Variants in ARL6IP6 observed in about 807,000 individuals in gnomAD.
ARL6IP6 encodes ADP-ribosylation factor-like protein 6-interacting protein 6.
In ARL6IP6, 22 loss-of-function variants were observed where a neutral mutation model predicts 21.5. The ratio of observed to expected loss-of-function variants is 1.02; its 90% CI spans 0.73 to 1.46. The LOEUF (loss-of-function observed/expected upper bound fraction) is 1.46, where lower values mean the gene tolerates loss of function less well. ARL6IP6 is among the 40% of genes most tolerant of loss of function. ARL6IP6 has a pLI of 0.00. For missense variants in ARL6IP6, 388 were observed against 299.8 expected, an observed-to-expected ratio of 1.29 and a Z score of -2.17; for synonymous variants, 164 against 125.3, an observed-to-expected ratio of 1.31 and a Z score of -2.06.
In ARL6IP6 at chr2:152,761,777, G is replaced by A. The variant is rs994018566; in HGVS notation, c.*1937G>A. Among the ~76,000 whole-genome samples the A allele has an allele frequency of 2.6e-5, 4 of 152,102 alleles. No homozygotes were observed. The highest frequency in any genetic ancestry group is 9.7e-5 in the African/African-American group (4 of 41,408). Reference sequence around the variant, plus strand: ...GCAATAAGCTATACCATATAGCCTAGGTGTGTAGTAGGCTATACCATCTAG... The same window carrying A: ...GCAATAAGCTATACCATATAGCCTAAGTGTGTAGTAGGCTATACCATCTAG... On this transcript the variant is annotated 3_prime_UTR_variant, in exon 4 of 4. Transcript: ENST00000326446.
At position 152,718,879 on chromosome 2, in the gene ARL6IP6, T is replaced by A. The variant is rs563289482; in HGVS notation, c.255T>A (p.Asp85Glu). 3 of 1,613,756 alleles carry A rather than the reference T, an allele frequency of 1.9e-6. No individual in the cohort carries two copies. The highest frequency in any genetic ancestry group is 1.7e-5 in the Admixed American group (1 of 59,998). The part of the protein sequence containing the change: ...PDGNGSPVLP[D>E]KRNGIFPAAA... ...GGAACGGGTCGCCCGTTCTGCCCGATAAGCGCAATGGTATCTTTCCCGCGG... is the reference window on the plus strand; with the variant it reads ...GGAACGGGTCGCCCGTTCTGCCCGAAAAGCGCAATGGTATCTTTCCCGCGG... The change falls in exon 1 of 4, where the codon GAT (aspartate) becomes GAA (glutamate). Residue 85 changes from aspartate (D) to glutamate (E), a missense_variant. Coordinates refer to ENST00000326446, the MANE Select transcript of ARL6IP6 (RefSeq NM_152522.7).
Position 152,718,820 on chromosome 2 carries a change from G to T in ARL6IP6, c.196G>T (p.Glu66Ter). 1 of 1,609,278 alleles carries T rather than the reference G, an allele frequency of 6.2e-7. No homozygotes were observed. Among genetic ancestry groups the T allele is most frequent in the Admixed American group, 1.7e-5 (1 of 59,200 alleles). ...GGAGTTCTCGGCTGGGGCGTGGTCA[G>T]AGCCCAGAAAGCGCTCGGTGCTCCC... Reference protein sequence around the residue: ...RAEFSAGAWSEPRKRSVLPPD... With the variant: ...RAEFSAGAWS The change falls in exon 1 of 4, where the codon GAG becomes TAG. Residue 66 changes from glutamate to a stop codon, truncating the protein, a stop_gained. Transcript: ENST00000326446. LOFTEE classifies it high-confidence loss of function.
At chr2:152,719,106 C>A in intron 1 of ARL6IP6, 82 bp downstream of exon 1, 1 of 1,400,798 alleles carries the variant, frequency 7.1e-7, no homozygotes, top group Non-Finnish European at 9.4e-7. Flanking sequence ...ATCTCCCTTT[C>A]CCTCGCGCTA....
At chr2:152,718,001 G>A (rs1223280768), upstream of ARL6IP6, 2 of 995,976 alleles carry the variant, frequency 2.0e-6, no homozygotes, top group African/African-American at 1.7e-5. Context: ...ACCAGGTGGA[G>A]AGCGCGCGCC....
chr2:152,746,382 G>A (rs1239929765), intron 3 of ARL6IP6, among the ~76,000 whole-genome samples: 1 of 152,116 alleles, frequency 6.6e-6, no homozygotes, highest in Non-Finnish European at 1.5e-5. Context: ...AGGGACAAGT[G>A]TCCATATGCC....
chr2:152,758,298 A>T (rs1701679002), intron 3 of ARL6IP6, among the ~76,000 whole-genome samples: 1 of 149,098 alleles, frequency 6.7e-6, no homozygotes, highest in Non-Finnish European at 1.5e-5. Context: ...GTACGGATGC[A>T]TTTTTTTTTT....
At chr2:152,731,856 A>G (rs1700330676) in intron 2 of ARL6IP6, among the ~76,000 whole-genome samples, 2 of 152,226 alleles carry the variant, frequency 1.3e-5, no homozygotes, top group South Asian at 2.1e-4. Context: ...GTATGTGTAT[A>G]ATACATATTT....
chr2:152,760,113 G>A lies in ARL6IP6; in HGVS notation c.*273G>A, dbSNP rs1044174056. 9 of 257,504 alleles carry A rather than the reference G, an allele frequency of 3.5e-5. No homozygotes were observed. The highest frequency in any genetic ancestry group is 6.7e-5 in the Non-Finnish European group (9 of 135,052). 16.0% of individuals were successfully genotyped at this position (257,504 alleles called of 1,614,324 possible). A position where few individuals can be genotyped will look rare whatever the true frequency, so the allele number is the denominator to read the frequency against. On this transcript the variant is annotated 3_prime_UTR_variant, in exon 4 of 4. Coordinates refer to ENST00000326446, the MANE Select transcript of ARL6IP6 (RefSeq NM_152522.7). Reference sequence around the variant, plus strand: ...ACCTCATCTTTTTACTTTTGTGTGTGTAGTTCTTTCAAGTTGTAGGAAACA... The same window carrying A: ...ACCTCATCTTTTTACTTTTGTGTGTATAGTTCTTTCAAGTTGTAGGAAACA...
At chr2:152,723,988 T>C (rs1416697449) in intron 2 of ARL6IP6, among the ~76,000 whole-genome samples, 4 of 152,046 alleles carry the variant, frequency 2.6e-5, no homozygotes, top group African/African-American at 4.8e-5. Flanking sequence ...CAGTGCTATC[T>C]GTGGCTGGGT....
rs765645541 is a variant in ARL6IP6, at chr2:152,718,997, C to T, written c.373C>T (p.Leu125Phe). 2.3e-5 allele frequency: 37 copies of T among 1,579,926 alleles called. No individual in the cohort carries two copies. Among genetic ancestry groups the T allele is most frequent in the South Asian group, 1.3e-4 (11 of 87,064 alleles). ...LLFAILLAFL[L>F]AIAYLIVKEL... ...CTTCGCCATTCTTCTCGCCTTCCTC[C>T]TCGCCATCGCCTACTTGATCGTTAA... Residue 125 changes from leucine to phenylalanine, a missense_variant, in exon 1 of 4, where the codon CTC (leucine) becomes TTC (phenylalanine). Physicochemically the swap from Leu to Phe is conservative, Grantham distance 22. Transcript: ENST00000326446.
At chr2:152,717,751 C>T (rs933722213), upstream of ARL6IP6, 2 of 1,293,646 alleles carry the variant, frequency 1.5e-6, no homozygotes, top group African/African-American at 1.5e-5. Context: ...GAGCTTAGAC[C>T]GCCTCACCCC....
chr2:152,737,317 AAG>A (rs1489741016), intron 3 of ARL6IP6, among the ~76,000 whole-genome samples: 4 of 152,168 alleles, frequency 2.6e-5, no homozygotes, highest in African/African-American at 9.7e-5. Flanking sequence ...TTATAAGTGT[AAG>A]AAGCCTCTGG....
At chr2:152,735,451 A>G (rs1029477508) in intron 3 of ARL6IP6, among the ~76,000 whole-genome samples, 2 of 152,230 alleles carry the variant, frequency 1.3e-5, no homozygotes, top group African/African-American at 2.4e-5. Context: ...AATACCAACA[A>G]TTTGAAAGTT....
chr2:152,718,261 G>C (rs1370043397), upstream of ARL6IP6: 8 of 270,806 alleles, frequency 3.0e-5, no homozygotes, highest in Admixed American at 4.8e-4. Context: ...ATGAGGCTTT[G>C]GGGCTGTCGG....
At chr2:152,726,009 A>G (rs1700030204) in intron 2 of ARL6IP6, among the ~76,000 whole-genome samples, 1 of 152,238 alleles carries the variant, frequency 6.6e-6, no homozygotes, top group African/African-American at 2.4e-5. Flanking sequence ...TGAAGATTAC[A>G]AGCTTCAGAG....
intron 2 of ARL6IP6, among the ~76,000 whole-genome samples, chr2:152,722,741 A>G (rs1333006242): frequency 6.6e-6 from 1 of 152,130 alleles, no homozygotes; most frequent in African/African-American, 2.4e-5. Context: ...CGCCTTTACT[A>G]AAAATACAAA....
intron 1 of ARL6IP6, 164 bp from the exon 2 acceptor site, chr2:152,720,369 T>G: frequency 1.5e-6 from 1 of 663,650 alleles, no homozygotes; most frequent in Non-Finnish European, 2.7e-6. Context: ...CACATTAATT[T>G]GCTTGCTGAA....
chr2:152,732,907 A>G lies in ARL6IP6; in HGVS notation c.455-2087A>G, dbSNP rs574069677. Among the ~76,000 whole-genome samples the G allele has an allele frequency of 4.6e-5, 7 of 151,598 alleles. No homozygotes were observed. In the East Asian group the frequency reaches 1.4e-3, roughly 29 times the overall value. ...GTATTGTTACTTTTTTTTTTTCCAA[A>G]TATTTTTCATCCAAGGTTGGTTGAA... On this transcript the variant is annotated intron_variant, in intron 2 of 3. Coordinates refer to ENST00000326446, the MANE Select transcript of ARL6IP6 (RefSeq NM_152522.7).
At chr2:152,718,342 G>A (rs146606779), upstream of ARL6IP6, 782 of 355,292 alleles carry the variant, frequency 2.2e-3, 1 homozygote, top group Non-Finnish European at 3.1e-3. Context: ...GCAGGGAGTG[G>A]ATACTCGACA....
Sources: allele counts gnomAD v4.1 joint callset (sites outside exome capture counted in the v4.1 genomes callset), GRCh38; gene constraint gnomAD v4.1.1; transcripts MANE v1.5; gene names NCBI Gene and HGNC (gene_info 2026-07-23, HGNC 2026-07-21).